ABCC1: variants seen among roughly 807,000 people sequenced by gnomAD.
ABCC1 encodes the protein ATP binding cassette subfamily C member 1 (ABCC1 blood group), also known as multidrug resistance-associated protein 1.
Under a neutral mutation model 172.9 loss-of-function variants are expected in ABCC1, and 83 were observed. That is an observed-to-expected ratio of 0.48 (90% CI 0.40 to 0.58). ABCC1 has a LOEUF of 0.58. ABCC1 is among the 20% of genes least tolerant of loss of function. The pLI, the probability that ABCC1 is intolerant of heterozygous loss-of-function variation, is 0.00. For synonymous variants in ABCC1, 937 were observed against 825.2 expected (o/e 1.14, Z -2.32); for missense variants, 1,817 against 2,002.7 (o/e 0.91, Z 1.77).
At chr16:16,059,529 G>T (rs555709231) in intron 12 of ABCC1, among the ~76,000 whole-genome samples, 1 of 152,194 alleles carries the variant, frequency 6.6e-6, no homozygotes, top group South Asian at 2.1e-4. Context: ...ATCTGGCTGG[G>T]CGCAGGGGCT....
rs959727674 is a variant in ABCC1, at chr16:16,038,610, C to T, written c.809+2007C>T. Among the ~76,000 whole-genome samples, 11 of 152,312 alleles carry T rather than the reference C, an allele frequency of 7.2e-5. No homozygotes were observed. In the South Asian group the frequency reaches 1.4e-3, roughly 20 times the overall value. On this transcript the variant is annotated intron_variant, in intron 7 of 30. Transcript: ENST00000399410. ...AGTCCACTCATTCAAATGCCAGTCT[C>T]GTCTGGAAACATCCTCACAGACACA...
intron 12 of ABCC1, among the ~76,000 whole-genome samples, chr16:16,065,055 G>C (rs1296246702): frequency 6.6e-6 from 1 of 152,186 alleles, no homozygotes; most frequent in Non-Finnish European, 1.5e-5. Flanking sequence ...AGTAGCAAGA[G>C]CATGTGCAAA....
chr16:15,950,031 C>T (rs8045000), intron 1 of ABCC1, among the ~76,000 whole-genome samples: 89,389 of 151,820 alleles, frequency 0.59, 28,876 homozygotes, highest in Non-Finnish European at 0.73. Context: ...GCGTGCCCAG[C>T]CCTGGGGTTT....
At chr16:16,132,471 G>A (rs2045723359) in intron 27 of ABCC1, among the ~76,000 whole-genome samples, 3 of 149,534 alleles carry the variant, frequency 2.0e-5, no homozygotes, top group South Asian at 2.1e-4. Context: ...ACCATTCCTG[G>A]CCCCTGGAAG....
intron 5 of ABCC1, among the ~76,000 whole-genome samples, chr16:16,021,147 C>A (rs950557008): frequency 4.6e-5 from 7 of 152,080 alleles, no homozygotes; most frequent in Non-Finnish European, 1.0e-4. Context: ...GTACATGTGG[C>A]ACGTATATTA....
chr16:16,038,896 C>T (rs2048856097), intron 7 of ABCC1, among the ~76,000 whole-genome samples: 1 of 152,176 alleles, frequency 6.6e-6, no homozygotes, highest in African/African-American at 2.4e-5. Flanking sequence ...TTGCTGGAGA[C>T]ACCATGGGAG....
chr16:16,125,133 C>G (rs569385990), intron 25 of ABCC1, among the ~76,000 whole-genome samples: 7 of 152,296 alleles, frequency 4.6e-5, no homozygotes, highest in African/African-American at 1.7e-4. Context: ...CACACAGATT[C>G]CTTAGTGGCC....
chr16:16,055,991 A>G (rs2049634299), intron 11 of ABCC1, 101 bp from the exon 12 acceptor site: 1 of 1,025,626 alleles, frequency 9.8e-7, no homozygotes, highest in Admixed American at 2.6e-5. Flanking sequence ...TTTACATGTC[A>G]AAGTATATAA....
chr16:16,091,006 G>A (rs546146108), intron 19 of ABCC1, among the ~76,000 whole-genome samples: 2 of 152,278 alleles, frequency 1.3e-5, no homozygotes, highest in East Asian at 1.9e-4. Context: ...GGTGAAGCAC[G>A]GAGTTAAGCT....
At position 16,079,361 on chromosome 16, in the gene ABCC1, C is replaced by T. The variant is rs757045428; in HGVS notation, c.1998C>T (p.Phe666=). 6 of 1,614,076 alleles carry T rather than the reference C, an allele frequency of 3.7e-6. No individual in the cohort carries two copies. The Admixed American group carries it at 6.7e-5, about 18-fold the overall frequency. The change falls in exon 16 of 31, where the codon TTC becomes TTT. Residue 666 remains phenylalanine (F), a synonymous_variant. Transcript: ENST00000399410. ...TGTTGTGTCGTTTCAGCATCACCTTCTCCATCCCCGAAGGTGCTTTGGTGG... is the reference window on the plus strand; with the variant it reads ...TGTTGTGTCGTTTCAGCATCACCTTTTCCATCCCCGAAGGTGCTTTGGTGG... ...SDPPTLNGIT[F]SIPEGALVAV...
chr16:16,098,787 C>T, intron 19 of ABCC1: 1 of 1,219,298 alleles, frequency 8.2e-7, no homozygotes, highest in Non-Finnish European at 1.1e-6. Context: ...AAAAGACACT[C>T]CCTTCACTCC....
chr16:15,986,070 G>T (rs2046736946), intron 1 of ABCC1, among the ~76,000 whole-genome samples: 1 of 151,772 alleles, frequency 6.6e-6, no homozygotes, highest in South Asian at 2.1e-4. Context: ...GAGTAGCTGG[G>T]ATTACAGGTG....
chr16:16,088,150 T>TGTGC (rs1555496540), intron 18 of ABCC1, among the ~76,000 whole-genome samples: 2 of 151,426 alleles, frequency 1.3e-5, no homozygotes, highest in Admixed American at 6.6e-5. Context: ...TGTGTGTGTG[T>TGTGC]GCATGTATAT....
intron 1 of ABCC1, among the ~76,000 whole-genome samples, chr16:15,954,800 G>A (rs1450414261): frequency 1.3e-5 from 2 of 151,978 alleles, no homozygotes; most frequent in Non-Finnish European, 2.9e-5. Flanking sequence ...TAGATGGGGG[G>A]GAAGAAAACC....
intron 1 of ABCC1, among the ~76,000 whole-genome samples, chr16:15,995,245 G>C (rs1320817623): frequency 1.3e-5 from 2 of 152,128 alleles, no homozygotes; most frequent in Admixed American, 1.3e-4. Context: ...CTGAGTCCTA[G>C]AGTTGTGTGT....
At chr16:16,048,350 A>G (rs773627197) in intron 10 of ABCC1, 47 bp downstream of exon 10, 8 of 1,605,476 alleles carry the variant, frequency 5.0e-6, no homozygotes, top group African/African-American at 2.7e-5. Flanking sequence ...AGGGACTTCT[A>G]CGTGTGGGCA....
intron 1 of ABCC1, among the ~76,000 whole-genome samples, chr16:15,978,485 G>A (rs1353650591): frequency 6.6e-6 from 1 of 152,120 alleles, no homozygotes; most frequent in African/African-American, 2.4e-5. Flanking sequence ...GATATTTCTT[G>A]CCTTTTATGT....
intron 1 of ABCC1, among the ~76,000 whole-genome samples, chr16:15,986,927 G>C (rs1316799256): frequency 6.6e-6 from 1 of 152,190 alleles, no homozygotes; most frequent in Non-Finnish European, 1.5e-5. Flanking sequence ...GTAATCCTAA[G>C]GCTGAGGCAG....
Position 16,123,817 on chromosome 16 carries a change from G to A in ABCC1, c.3591-972G>A, listed in dbSNP as rs188841258. Reference sequence around the variant, plus strand: ...ACTTGAGCCCAGCAGTTCGAGACCAGCCTGGGCACTCTAGGGAGACCCTGT... The same window carrying A: ...ACTTGAGCCCAGCAGTTCGAGACCAACCTGGGCACTCTAGGGAGACCCTGT... On this transcript the variant is annotated intron_variant, in intron 24 of 30. Coordinates refer to ENST00000399410, the MANE Select transcript of ABCC1 (RefSeq NM_004996.4). 6.6e-4 allele frequency among the ~76,000 whole-genome samples: 101 copies of A among 152,204 alleles called. No individual in the cohort carries two copies. The East Asian group carries it at 0.015, about 23-fold the overall frequency.
Sources: gnomAD v4.1 joint callset for allele counts (sites outside exome capture counted in the v4.1 genomes callset) on GRCh38, gnomAD v4.1.1 for gene constraint, MANE v1.5 for transcripts, NCBI Gene and HGNC (gene_info 2026-07-23, HGNC 2026-07-21) for gene names.